DCLK2: variants seen among roughly 807,000 people sequenced by gnomAD.
DCLK2 encodes the protein serine/threonine-protein kinase DCLK2.
Under a neutral mutation model 78.4 loss-of-function variants are expected in DCLK2, and 31 were observed. That is an observed-to-expected ratio of 0.40 (90% CI 0.30 to 0.53). DCLK2 has a LOEUF of 0.53. Among genes scored for constraint, DCLK2 ranks in the 20% least tolerant of loss-of-function variants. DCLK2 has a pLI of 0.61. For synonymous variants in DCLK2, 407 were observed against 374.9 expected (o/e 1.09, Z -0.99); for missense variants, 872 against 973.7 (o/e 0.90, Z 1.39).
intron 2 of DCLK2, among the ~76,000 whole-genome samples, chr4:150,179,923 C>T (rs930181342): frequency 2.1e-5 from 3 of 144,066 alleles, no homozygotes; most frequent in African/African-American, 7.8e-5. Flanking sequence ...CTTGTACCGA[C>T]CTTATGATAT....
At chr4:150,246,001 T>C (rs964341678) in intron 12 of DCLK2, among the ~76,000 whole-genome samples, 13 of 152,154 alleles carry the variant, frequency 8.5e-5, no homozygotes, top group Non-Finnish European at 1.5e-5. Context: ...AGACCTGGGC[T>C]TGCTCTTAAA....
At position 150,256,040 on chromosome 4, in the gene DCLK2, G is replaced by A. The variant is rs1440558293; in HGVS notation, c.2094G>A (p.Glu698=). The part of the protein sequence containing the change: ...SVIMNTALDK[E]GQIFCSKHCQ... ...CTCAGAACACGGCTCTAGATAAGGA[G>A]GGGCAGATTTTCTGCAGCAAGCACT... The change falls in exon 16 of 16, where the codon GAG becomes GAA. Residue 698 remains glutamate, a synonymous_variant. Coordinates refer to ENST00000296550, the MANE Select transcript of DCLK2 (RefSeq NM_001040260.4). 1.9e-6 allele frequency: 3 copies of A among 1,612,722 alleles called. No individual in the cohort carries two copies. In the African/African-American group the frequency reaches 4.0e-5, roughly 22 times the overall value.
intron 2 of DCLK2, among the ~76,000 whole-genome samples, chr4:150,113,366 C>T (rs915387749): frequency 3.3e-5 from 5 of 152,094 alleles, no homozygotes; most frequent in Non-Finnish European, 7.4e-5. Context: ...GTGAATCTAT[C>T]TGGCCCTAGG....
At chr4:150,106,839 T>TC (rs1181028616) in intron 2 of DCLK2, among the ~76,000 whole-genome samples, 2 of 152,220 alleles carry the variant, frequency 1.3e-5, no homozygotes, top group African/African-American at 4.8e-5. Context: ...TAGCAATGAC[T>TC]CCATTTACAA....
chr4:150,101,612 C>A (rs548286729), intron 1 of DCLK2, among the ~76,000 whole-genome samples: 2 of 152,016 alleles, frequency 1.3e-5, no homozygotes, highest in African/African-American at 4.8e-5. Flanking sequence ...GTGATTCTGA[C>A]TTTCCTAAAA....
chr4:150,134,883 T>C (rs1733583476), intron 2 of DCLK2, among the ~76,000 whole-genome samples: 1 of 152,096 alleles, frequency 6.6e-6, no homozygotes, highest in South Asian at 2.1e-4. Context: ...CCTTGCAGTG[T>C]TCCATTTCAC....
intron 2 of DCLK2, among the ~76,000 whole-genome samples, chr4:150,161,100 C>T (rs1735674281): frequency 6.6e-6 from 1 of 152,088 alleles, no homozygotes; most frequent in African/African-American, 2.4e-5. Flanking sequence ...TTTGTATGAA[C>T]TTTAAAGTAT....
chr4:150,104,490 AT>A (rs1358433067), intron 2 of DCLK2, among the ~76,000 whole-genome samples: 5 of 150,656 alleles, frequency 3.3e-5, no homozygotes, highest in African/African-American at 1.2e-4. Context: ...TATCAAAAAA[AT>A]TATCCTTAAA....
At chr4:150,128,526 G>A (rs1733074722) in intron 2 of DCLK2, among the ~76,000 whole-genome samples, 1 of 152,178 alleles carries the variant, frequency 6.6e-6, no homozygotes, top group South Asian at 2.1e-4. Flanking sequence ...GTTTACTCTG[G>A]AGATTATGAA....
intron 1 of DCLK2, among the ~76,000 whole-genome samples, chr4:150,097,267 A>C (rs563688601): frequency 9.3e-5 from 14 of 150,038 alleles, no homozygotes; most frequent in African/African-American, 3.5e-4. Flanking sequence ...GGTTCAAGCG[A>C]TTCTAGTGTT....
chr4:150,132,009 C>G (rs1208971404), intron 2 of DCLK2, among the ~76,000 whole-genome samples: 4 of 152,154 alleles, frequency 2.6e-5, no homozygotes, highest in African/African-American at 9.7e-5. Flanking sequence ...CTGTATATGA[C>G]TGTACAATTT....
intron 2 of DCLK2, among the ~76,000 whole-genome samples, chr4:150,154,491 A>G (rs1580609343): frequency 6.6e-6 from 1 of 152,198 alleles, no homozygotes; most frequent in Non-Finnish European, 1.5e-5. Flanking sequence ...TCATACCTGG[A>G]CACTTCATTT....
chr4:150,083,705 G>A (rs1467428666), intron 1 of DCLK2, among the ~76,000 whole-genome samples: 1 of 152,126 alleles, frequency 6.6e-6, no homozygotes, highest in African/African-American at 2.4e-5. Context: ...CATAGGAGTC[G>A]AAAATGATGC....
rs1320883767 is a variant in DCLK2, at chr4:150,221,660, A to G, written c.1133-17A>G. 4 of 1,547,658 alleles carry G rather than the reference A, an allele frequency of 2.6e-6. No individual in the cohort carries two copies. Among genetic ancestry groups the G allele is most frequent in the Admixed American group, 1.9e-5 (1 of 52,308 alleles). ...TGCTGATGTTTTCTTTAGAATTTGCATTTATCCTTTTTGCAGGTGTGAATG... is the reference window on the plus strand; with the variant it reads ...TGCTGATGTTTTCTTTAGAATTTGCGTTTATCCTTTTTGCAGGTGTGAATG... On this transcript the variant is annotated splice_polypyrimidine_tract_variant and intron_variant, in intron 6 of 15. Transcript: ENST00000296550.
chr4:150,204,568 G>C (rs1167743440), intron 5 of DCLK2, among the ~76,000 whole-genome samples: 4 of 152,084 alleles, frequency 2.6e-5, no homozygotes, highest in Non-Finnish European at 5.9e-5. Flanking sequence ...AATTTGCCTG[G>C]TAAAATAACA....
intron 10 of DCLK2, among the ~76,000 whole-genome samples, chr4:150,235,428 T>C (rs1742421712): frequency 6.6e-6 from 1 of 152,172 alleles, no homozygotes; most frequent in Admixed American, 6.5e-5. Context: ...AGTCTCAGAA[T>C]GCAATCAGGA....
chr4:150,140,067 C>T (rs1734006236), intron 2 of DCLK2, among the ~76,000 whole-genome samples: 1 of 151,872 alleles, frequency 6.6e-6, no homozygotes, highest in South Asian at 2.1e-4. Flanking sequence ...TTTTAATGAA[C>T]CATTGTATAT....
intron 2 of DCLK2, among the ~76,000 whole-genome samples, chr4:150,172,418 A>G (rs1263548093): frequency 6.6e-6 from 1 of 151,836 alleles, no homozygotes; most frequent in African/African-American, 2.4e-5. Context: ...CCTGGCTAAC[A>G]TGGCGAAACC....
In DCLK2 at chr4:150,115,624, T is replaced by G. The variant is rs190560714; in HGVS notation, c.756+12812T>G. Among the ~76,000 whole-genome samples the G allele has an allele frequency of 3.4e-3, 512 of 152,266 alleles. 4 individuals carry two copies. The highest frequency in any genetic ancestry group is 0.011 in the African/African-American group (442 of 41,544). On this transcript the variant is annotated intron_variant, in intron 2 of 15. Coordinates refer to ENST00000296550, the MANE Select transcript of DCLK2 (RefSeq NM_001040260.4). ...TCAGGGATGAAGACACTGTATGAGT[T>G]ATTTGGTTATAGAGAGTCTTTGTAT...
Sources: gnomAD v4.1 joint callset for allele counts (sites outside exome capture counted in the v4.1 genomes callset) on GRCh38, gnomAD v4.1.1 for gene constraint, MANE v1.5 for transcripts, NCBI Gene and HGNC (gene_info 2026-07-23, HGNC 2026-07-21) for gene names.